The following EPHB3 variants were observed in gnomAD, a reference collection of about 807,000 sequenced individuals.
The protein encoded by EPHB3 is EPH receptor B3, also known as ephrin type-B receptor 3.
EPHB3 carries 33 observed loss-of-function variants against 100.2 expected under a neutral mutation model. The observed-to-expected ratio is 0.33, with a 90% CI of 0.25 to 0.44. The LOEUF (loss-of-function observed/expected upper bound fraction) is 0.44, where lower values mean the gene tolerates loss of function less well. Among genes scored for constraint, EPHB3 ranks in the 20% least tolerant of loss-of-function variants. EPHB3 has a pLI of 1.00. For missense variants in EPHB3, 1,045 were observed against 1,378.3 expected (o/e 0.76, Z 3.83); for synonymous variants, 526 against 554.7 (o/e 0.95, Z 0.73).
Position 184,569,872 on chromosome 3 carries a change from G to A in EPHB3, c.119-1446G>A, listed in dbSNP as rs1482203301. 1.3e-5 allele frequency among the ~76,000 whole-genome samples: 2 copies of A among 152,252 alleles called. No individual in the cohort carries two copies. Among genetic ancestry groups the A allele is most frequent in the Non-Finnish European group, 2.9e-5 (2 of 68,046 alleles). ...TGTAGAGGCCTCCAGAGGTCCTGGGGCAACCCTGCCCCATTCCAGCTTCAG... is the reference window on the plus strand; with the variant it reads ...TGTAGAGGCCTCCAGAGGTCCTGGGACAACCCTGCCCCATTCCAGCTTCAG... On this transcript the variant is annotated intron_variant, in intron 1 of 15. Coordinates refer to ENST00000330394, the MANE Select transcript of EPHB3 (RefSeq NM_004443.4). This position sits in a 1 kb window ranked among gnomAD's most constrained non-coding sequence, Gnocchi z 5.4.
rs1314485177 is a variant in EPHB3, at chr3:184,572,954, T to C, written c.634T>C (p.Cys212Arg). The change falls in exon 3 of 16, where the codon TGT (cysteine) becomes CGT (arginine). Residue 212 changes from cysteine (C) to arginine (R), a missense_variant. By Grantham distance (180) the Cys-to-Arg change is radical (BLOSUM62 -3). Coordinates refer to ENST00000330394, the MANE Select transcript of EPHB3 (RefSeq NM_004443.4). The surrounding 1 kb of genome is among the most constrained non-coding windows in gnomAD (Gnocchi z 6.6). ...LISVRAFYKK[C>R]ASTTAGFALF... ...CTCCGTGCGCGCCTTCTACAAGAAG[T>C]GTGCATCCACCACCGCAGGCTTCGC... 6.3e-7 allele frequency: 1 copy of C among 1,584,850 alleles called. No homozygotes were observed. The highest frequency in any genetic ancestry group is 1.3e-5 in the African/African-American group (1 of 74,352).
At chr3:184,567,994 C>T (rs1212124938) in intron 1 of EPHB3, among the ~76,000 whole-genome samples, 1 of 152,158 alleles carries the variant, frequency 6.6e-6, no homozygotes, top group Non-Finnish European at 1.5e-5. Context: ...CTGTGTGAAG[C>T]TGGGTGTGTG....
Position 184,571,534 on chromosome 3 carries a change from C to T in EPHB3, c.183+152C>T. The T allele has an allele frequency of 3.9e-6, 3 of 770,720 alleles. No individual in the cohort carries two copies. Among genetic ancestry groups the T allele is most frequent in the Non-Finnish European group, 6.6e-6 (3 of 453,926 alleles). The allele number at this position is 770,720 out of a possible 1,614,324, so 47.7% of individuals were successfully genotyped here. A position where few individuals can be genotyped will look rare whatever the true frequency, so the allele number is the denominator to read the frequency against. On this transcript the variant is annotated intron_variant, in intron 2 of 15. Coordinates refer to ENST00000330394, the MANE Select transcript of EPHB3 (RefSeq NM_004443.4). The surrounding 1 kb of genome is among the most constrained non-coding windows in gnomAD (Gnocchi z 5.0). The stretch of plus-strand genomic sequence containing the variant: ...TCACTTCCTGTGCCATCCCCATCAT[C>T]CTCACTTGTGACCCTCTGAAGCACC...
rs367858130 is a variant in EPHB3 at position 184,581,068 on chromosome 3, C to T, written c.2635C>T (p.Arg879Trp). 12 of 1,614,036 alleles carry T rather than the reference C, an allele frequency of 7.4e-6. No homozygotes were observed. Among genetic ancestry groups the T allele is most frequent in the African/African-American group, 4.0e-5 (3 of 74,910 alleles). Residue 879 changes from arginine to tryptophan, a missense_variant, in exon 14 of 16, where the codon CGG becomes TGG. Physicochemically the swap from Arg to Trp is moderately radical, Grantham distance 101. Transcript: ENST00000330394. ...CATGCTGGACTGCTGGGTGCGGGAC[C>T]GGAACCTCAGGCCCAAATTCTCCCA... Reference protein sequence around the residue: ...QLMLDCWVRDRNLRPKFSQIV... With the variant: ...QLMLDCWVRDWNLRPKFSQIV...
Position 184,577,583 on chromosome 3 carries a change from C to T in EPHB3, c.1480-75C>T. 6.4e-7 allele frequency: 1 copy of T among 1,572,894 alleles called. No individual in the cohort carries two copies. The highest frequency in any genetic ancestry group is 8.6e-7 in the Non-Finnish European group (1 of 1,157,124). ...CCTTGGGTATGGAGGGGGCATGTGGCAGGCCTGGGTGTGAATAGGGGCTGG... is the reference window on the plus strand; with the variant it reads ...CCTTGGGTATGGAGGGGGCATGTGGTAGGCCTGGGTGTGAATAGGGGCTGG... On this transcript the variant is annotated intron_variant, in intron 6 of 15. Coordinates refer to ENST00000330394, the MANE Select transcript of EPHB3 (RefSeq NM_004443.4). This position sits in a 1 kb window ranked among gnomAD's most constrained non-coding sequence, Gnocchi z 4.9.
intron 3 of EPHB3, among the ~76,000 whole-genome samples, chr3:184,574,395 G>C (rs1650207060): frequency 6.6e-6 from 1 of 152,222 alleles, no homozygotes; most frequent in Non-Finnish European, 1.5e-5. Flanking sequence ...CGCCAATAAG[G>C]AAACTGAGTC....
rs1048647738 is a variant in EPHB3 at position 184,573,243 on chromosome 3, GC to G, written c.856+73del. 9 of 1,579,588 alleles carry G rather than the reference GC, an allele frequency of 5.7e-6. No homozygotes were observed. In the East Asian group the frequency reaches 1.6e-4, roughly 28 times the overall value. ...CTGGGCCACAGCTACCTACCGCCCCGCCCCCCACCCCTGCTTGCTATCTGAC... is the reference window on the plus strand; with the variant it reads ...CTGGGCCACAGCTACCTACCGCCCCGCCCCCACCCCTGCTTGCTATCTGAC... On this transcript the variant is annotated intron_variant, in intron 3 of 15. Coordinates refer to ENST00000330394, the MANE Select transcript of EPHB3 (RefSeq NM_004443.4). This position sits in a 1 kb window ranked among gnomAD's most constrained non-coding sequence, Gnocchi z 4.5.
rs555148231 is a variant in EPHB3 at position 184,578,198 on chromosome 3, C to T, written c.1748+192C>T. On this transcript the variant is annotated intron_variant, in intron 8 of 15. Transcript: ENST00000330394. The surrounding 1 kb of genome is among the most constrained non-coding windows in gnomAD (Gnocchi z 4.7). ...GTCTTCATCCCGCCCTTTCTCCATA[C>T]CCCATTCCCTGAATCTCCGGGCAGG... The T allele has an allele frequency of 1.6e-5, 14 of 860,006 alleles. No individual in the cohort carries two copies. In the South Asian group the frequency reaches 2.1e-4, roughly 13 times the overall value. The allele number at this position is 860,006 out of a possible 1,614,324, so 53.3% of individuals were successfully genotyped here.
At chr3:184,575,106 T>A in intron 3 of EPHB3, 1 of 977,242 alleles carries the variant, frequency 1.0e-6, no homozygotes, top group Non-Finnish European at 1.2e-6. Flanking sequence ...AAGGCTACCA[T>A]CAATCCACAG....
rs1293729077 is a variant in EPHB3 at position 184,577,117 on chromosome 3, G to A, written c.1288G>A (p.Gly430Ser). 5.0e-6 allele frequency: 8 copies of A among 1,612,316 alleles called. No homozygotes were observed. The highest frequency in any genetic ancestry group is 2.2e-5 in the East Asian group (1 of 44,860). ...RYTFEVQAVNGVSGKSPLPPR... is the reference protein window; with the variant it reads ...RYTFEVQAVNSVSGKSPLPPR... Reference sequence around the variant, plus strand: ...CACCTTTGAGGTGCAGGCGGTCAACGGTGTCTCGGGCAAGAGCCCTCTGCC... The same window carrying A: ...CACCTTTGAGGTGCAGGCGGTCAACAGTGTCTCGGGCAAGAGCCCTCTGCC... The change falls in exon 5 of 16, where the codon GGT (glycine) becomes AGT (serine). Residue 430 changes from glycine to serine, a missense_variant. Coordinates refer to ENST00000330394, the MANE Select transcript of EPHB3 (RefSeq NM_004443.4). The surrounding 1 kb of genome is among the most constrained non-coding windows in gnomAD (Gnocchi z 4.9).
Position 184,565,181 on chromosome 3 carries a change from C to T in EPHB3, c.118+2828C>T, listed in dbSNP as rs1714352487. The stretch of plus-strand genomic sequence containing the variant: ...GCTTGTCCTCGTGGTTGAAAACATG[C>T]CCTCCCCTTGCCCTCTGATTGATTG... On this transcript the variant is annotated intron_variant, in intron 1 of 15. Transcript: ENST00000330394. This position sits in a 1 kb window ranked among gnomAD's most constrained non-coding sequence, Gnocchi z 4.8. 6.6e-6 allele frequency among the ~76,000 whole-genome samples: 1 copy of T among 152,104 alleles called. No individual in the cohort carries two copies. The highest frequency in any genetic ancestry group is 2.1e-4 in the South Asian group (1 of 4,822).
In EPHB3 at chr3:184,573,127, C is replaced by T. The variant is rs776843904; in HGVS notation, c.807C>T (p.Cys269=). Residue 269 remains cysteine (C), a synonymous_variant, in exon 3 of 16, where the codon TGC becomes TGT. Coordinates refer to ENST00000330394, the MANE Select transcript of EPHB3 (RefSeq NM_004443.4). This position sits in a 1 kb window ranked among gnomAD's most constrained non-coding sequence, Gnocchi z 4.5. ...DGEWMVPVGA[C]TCATGHEPAA... is the part of the protein sequence containing the mutation. Reference sequence around the variant, plus strand: ...AGTGGATGGTGCCTGTGGGTGCCTGCACCTGTGCCACCGGCCATGAGCCAG... The same window carrying T: ...AGTGGATGGTGCCTGTGGGTGCCTGTACCTGTGCCACCGGCCATGAGCCAG... 1 of 1,612,726 alleles carries T rather than the reference C, an allele frequency of 6.2e-7. No individual in the cohort carries two copies. The highest frequency in any genetic ancestry group is 2.2e-5 in the East Asian group (1 of 44,880).
In EPHB3 at chr3:184,576,861, A is replaced by C. The variant is rs1295948471; in HGVS notation, c.1032A>C (p.Arg344=). 6.5e-7 allele frequency: 1 copy of C among 1,548,400 alleles called. No homozygotes were observed. Among genetic ancestry groups the C allele is most frequent in the African/African-American group, 1.4e-5 (1 of 73,644 alleles). Residue 344 remains arginine, a synonymous_variant, in exon 5 of 16, where the codon CGA becomes CGC. Coordinates refer to ENST00000330394, the MANE Select transcript of EPHB3 (RefSeq NM_004443.4). The part of the protein sequence containing the change: ...SACTTVPSPP[R]GVISNVNETS... ...TCACAGCCGTGCCATCTCCACCCCG[A>C]GGTGTGATCTCCAATGTGAATGAAA...
chr3:184,578,619 C>T lies in EPHB3; in HGVS notation c.1801+153C>T, dbSNP rs370971465. On this transcript the variant is annotated intron_variant, in intron 9 of 15. Coordinates refer to ENST00000330394, the MANE Select transcript of EPHB3 (RefSeq NM_004443.4). The surrounding 1 kb of genome is among the most constrained non-coding windows in gnomAD (Gnocchi z 4.7). ...AAGTGGCATTTCCTGACCCCTATCT[C>T]ACTCCGGGTACCCTGGGCCCCTACT... is the stretch of plus-strand genomic sequence containing the variant. Among the ~76,000 whole-genome samples the T allele has an allele frequency of 4.5e-3, 681 of 152,268 alleles. 7 individuals carry two copies. Among genetic ancestry groups the T allele is most frequent in the African/African-American group, 0.016 (650 of 41,538 alleles).
chr3:184,571,453 C>A lies in EPHB3; in HGVS notation c.183+71C>A. The A allele has an allele frequency of 6.5e-7, 1 of 1,545,710 alleles. No individual in the cohort carries two copies. The highest frequency in any genetic ancestry group is 8.9e-7 in the Non-Finnish European group (1 of 1,121,950). Reference sequence around the variant, plus strand: ...CTCCCCCCACTTCCAGCCTCCGTGCCCCCTCATCTCACCAGGGCCTGGAGG... The same window carrying A: ...CTCCCCCCACTTCCAGCCTCCGTGCACCCTCATCTCACCAGGGCCTGGAGG... On this transcript the variant is annotated intron_variant, in intron 2 of 15. Coordinates refer to ENST00000330394, the MANE Select transcript of EPHB3 (RefSeq NM_004443.4). The surrounding 1 kb of genome is among the most constrained non-coding windows in gnomAD (Gnocchi z 5.0).
chr3:184,579,989 C>A lies in EPHB3; in HGVS notation c.2172+55C>A. 6.4e-7 allele frequency: 1 copy of A among 1,572,600 alleles called. No homozygotes were observed. The highest frequency in any genetic ancestry group is 8.6e-7 in the Non-Finnish European group (1 of 1,161,304). On this transcript the variant is annotated intron_variant, in intron 11 of 15. Transcript: ENST00000330394. This position sits in a 1 kb window ranked among gnomAD's most constrained non-coding sequence, Gnocchi z 5.2. ...CCCCCAGAGAGTTGGATTGGGCTCA[C>A]CATCCCCTCCCACAAGTCAGACAGC...
Position 184,571,436 on chromosome 3 carries a change from A to T in EPHB3, c.183+54A>T. 1 of 1,597,978 alleles carries T rather than the reference A, an allele frequency of 6.3e-7. No homozygotes were observed. The highest frequency in any genetic ancestry group is 8.6e-7 in the Non-Finnish European group (1 of 1,166,984). On this transcript the variant is annotated intron_variant, in intron 2 of 15. Transcript: ENST00000330394. The surrounding 1 kb of genome is among the most constrained non-coding windows in gnomAD (Gnocchi z 5.0). ...GTTGTTTGCCATTAGGCCTCCCCCC[A>T]CTTCCAGCCTCCGTGCCCCCTCATC...
chr3:184,574,819 C>A (rs981447166), intron 3 of EPHB3, among the ~76,000 whole-genome samples: 1 of 152,222 alleles, frequency 6.6e-6, no homozygotes, highest in Non-Finnish European at 1.5e-5. Flanking sequence ...GTTCCCATAG[C>A]AACCAGGCTG....
At chr3:184,568,592 A>ACCCCCCCCC (rs113185340) in intron 1 of EPHB3, among the ~76,000 whole-genome samples, 4 of 131,096 alleles carry the variant, frequency 3.1e-5, no homozygotes, top group African/African-American at 8.7e-5. Flanking sequence ...GGGTTCTATG[A>ACCCCCCCCC]CCCCCCCCCC....
Sources: gnomAD v4.1 joint callset for allele counts (sites outside exome capture counted in the v4.1 genomes callset) on GRCh38, gnomAD v4.1.1 for gene constraint, Gnocchi (gnomAD v3.1) non-coding constraint, MANE v1.5 for transcripts, NCBI Gene and HGNC (gene_info 2026-07-23, HGNC 2026-07-21) for gene names.